The following TRIT1 variants were observed in gnomAD, a reference collection of about 807,000 sequenced individuals.
The protein encoded by TRIT1 is tRNA dimethylallyltransferase.
Under a neutral mutation model 51.2 loss-of-function variants are expected in TRIT1, and 43 were observed. The ratio of observed to expected loss-of-function variants is 0.84; its 90% CI spans 0.66 to 1.08. The LOEUF (loss-of-function observed/expected upper bound fraction) is 1.08. Among genes scored for constraint, TRIT1 ranks in the 50% least tolerant of loss-of-function variants. The pLI is 0.00. For synonymous variants in TRIT1, 184 were observed against 203.9 expected (o/e 0.90, Z 0.83); for missense variants, 528 against 578.4 (o/e 0.91, Z 0.89).
intron 5 of TRIT1, among the ~76,000 whole-genome samples, chr1:39,849,084 TTG>T (rs2124593811): frequency 6.6e-6 from 1 of 152,286 alleles, no homozygotes; most frequent in East Asian, 1.9e-4. Context: ...ATCTCTATCA[TTG>T]TGATTTATTG....
chr1:39,865,671 CAA>C (rs142393332), intron 1 of TRIT1, among the ~76,000 whole-genome samples: 9 of 68,310 alleles, frequency 1.3e-4, no homozygotes, highest in Non-Finnish European at 1.9e-4. Context: ...TCTGTCTCTA[CAA>C]AAAAAAAAAA....
chr1:39,862,123 G>C (rs1643286124), intron 1 of TRIT1, among the ~76,000 whole-genome samples: 1 of 152,082 alleles, frequency 6.6e-6, no homozygotes, highest in African/African-American at 2.4e-5. Context: ...GTTACGAGGA[G>C]CTGGGGAGAG....
intron 1 of TRIT1, among the ~76,000 whole-genome samples, chr1:39,873,885 T>C (rs887399975): frequency 1.5e-4 from 23 of 152,006 alleles, no homozygotes; most frequent in African/African-American, 5.3e-4. Flanking sequence ...TAGCTGGTTA[T>C]GGTGGCGTAT....
In TRIT1 at chr1:39,853,981, C is replaced by G. The variant is rs1437996161; in HGVS notation, c.403G>C (p.Val135Leu). Residue 135 changes from valine to leucine, a missense_variant, in exon 3 of 11, where the codon GTC becomes CTC. Val to Leu is a conservative substitution (Grantham distance 32, BLOSUM62 1). This residue lies in a region of TRIT1 where 468 missense variants were observed against 522.6 expected (regional missense o/e 0.90). Coordinates refer to ENST00000316891, the MANE Select transcript of TRIT1 (RefSeq NM_017646.6). ...TGAACTAAACTTACCTTGGTATTGA[C>G]AAGAACTTTCCAGAGCAGAGATTCA... ...YIESLLWKVLVNTKPQEMGTE... is the reference protein window; with the variant it reads ...YIESLLWKVLLNTKPQEMGTE... 3 of 1,612,132 alleles carry G rather than the reference C, an allele frequency of 1.9e-6. No individual in the cohort carries two copies. In the East Asian group the frequency reaches 6.7e-5, roughly 36 times the overall value.
chr1:39,872,068 ATTT>A (rs59839907), intron 1 of TRIT1, among the ~76,000 whole-genome samples: 5 of 114,252 alleles, frequency 4.4e-5, no homozygotes, highest in South Asian at 2.9e-4. Context: ...GGCCTGACTA[ATTT>A]TTTTTTTTTT....
intron 1 of TRIT1, among the ~76,000 whole-genome samples, chr1:39,858,125 A>C (rs979564507): frequency 6.6e-6 from 1 of 152,330 alleles, no homozygotes; most frequent in East Asian, 1.9e-4. Flanking sequence ...AACAGATCTG[A>C]AAATACCAGT....
At chr1:39,875,886 C>G (rs1017155117) in intron 1 of TRIT1, among the ~76,000 whole-genome samples, 1 of 152,042 alleles carries the variant, frequency 6.6e-6, no homozygotes, top group Non-Finnish European at 1.5e-5. Context: ...ACAGCACCCA[C>G]GGCAAAAGGC....
chr1:39,879,874 A>G (rs1644195089), intron 1 of TRIT1, among the ~76,000 whole-genome samples: 1 of 84,268 alleles, frequency 1.2e-5, no homozygotes, highest in South Asian at 3.8e-4. Context: ...CTCCATCTCA[A>G]AAAAAAAAAA....
chr1:39,862,950 A>G, intron 1 of TRIT1: 1 of 985,442 alleles, frequency 1.0e-6, no homozygotes, highest in Non-Finnish European at 1.2e-6. Context: ...GTGCATGGAA[A>G]TGATTTGGAA....
intron 4 of TRIT1, among the ~76,000 whole-genome samples, chr1:39,851,240 AAAAG>A (rs1366902792): frequency 5.9e-5 from 9 of 152,340 alleles, no homozygotes; most frequent in South Asian, 4.1e-4. Context: ...AGATTAAAAA[AAAAG>A]AAAGTCCTCA....
chr1:39,850,071 C>T (rs1642472114), intron 5 of TRIT1, 48 bp downstream of exon 5: 22 of 1,602,766 alleles, frequency 1.4e-5, no homozygotes, highest in Non-Finnish European at 1.9e-5. Flanking sequence ...TAACTTATTA[C>T]TCCAAGTTCC....
chr1:39,866,887 G>A (rs1643587101), intron 1 of TRIT1, among the ~76,000 whole-genome samples: 3 of 152,140 alleles, frequency 2.0e-5, no homozygotes, highest in Non-Finnish European at 4.4e-5. Context: ...AGCTGCTCAG[G>A]AGACTGAGGT....
At chr1:39,865,298 A>G (rs1643474551) in intron 1 of TRIT1, among the ~76,000 whole-genome samples, 2 of 152,308 alleles carry the variant, frequency 1.3e-5, no homozygotes, top group African/African-American at 4.8e-5. Context: ...CCACTGATCT[A>G]TTAGCAGTAT....
chr1:39,851,588 CT>C (rs1040491737), intron 4 of TRIT1, among the ~76,000 whole-genome samples: 1 of 151,956 alleles, frequency 6.6e-6, no homozygotes, highest in Admixed American at 6.6e-5. Context: ...GGTGAAAAAA[CT>C]TAGATATTAC....
chr1:39,871,301 G>A (rs972561550), intron 1 of TRIT1, among the ~76,000 whole-genome samples: 3 of 152,208 alleles, frequency 2.0e-5, no homozygotes, highest in Non-Finnish European at 2.9e-5. Context: ...AATTTTAAAC[G>A]TATTTTGCTG....
chr1:39,856,723 A>C (rs1041642547), intron 2 of TRIT1, among the ~76,000 whole-genome samples: 1 of 152,158 alleles, frequency 6.6e-6, no homozygotes, highest in Non-Finnish European at 1.5e-5. Context: ...TTTTACCCAG[A>C]ACTATATTTT....
intron 1 of TRIT1, among the ~76,000 whole-genome samples, chr1:39,871,300 CGTAT>C: frequency 6.6e-6 from 1 of 152,262 alleles, no homozygotes; most frequent in East Asian, 1.9e-4. Flanking sequence ...GAATTTTAAA[CGTAT>C]TTTGCTGGCC....
At chr1:39,880,166 TC>T (rs1159866853) in intron 1 of TRIT1, among the ~76,000 whole-genome samples, 2 of 80,714 alleles carry the variant, frequency 2.5e-5, no homozygotes, top group Non-Finnish European at 4.8e-5. Context: ...AGAGCAATAC[TC>T]CGTCTCAAAA....
rs1652485605 is a variant in TRIT1, at chr1:39,839,392, C to A, written c.*2352G>T. Among the ~76,000 whole-genome samples, 2 of 152,218 alleles carry A rather than the reference C, an allele frequency of 1.3e-5. No homozygotes were observed. The highest frequency in any genetic ancestry group is 4.8e-5 in the African/African-American group (2 of 41,460). The stretch of plus-strand genomic sequence containing the variant: ...GCTTTGCCTTGCTCTGTGACTGGAA[C>A]ATCCATGTTTTAGGCCTCAGTTTCC... On this transcript the variant is annotated 3_prime_UTR_variant, in exon 11 of 11. Transcript: ENST00000316891.
Sources: allele counts gnomAD v4.1 joint callset (sites outside exome capture counted in the v4.1 genomes callset), GRCh38; gene constraint gnomAD v4.1.1; regional missense constraint gnomAD v4.1.1; transcripts MANE v1.5; gene names NCBI Gene and HGNC (gene_info 2026-07-23, HGNC 2026-07-21).